Variants in PTPN12 observed in about 807,000 individuals in gnomAD.
PTPN12 encodes protein tyrosine phosphatase non-receptor type 12.
In PTPN12, 29 loss-of-function variants were observed where a neutral mutation model predicts 97.6. The ratio of observed to expected loss-of-function variants is 0.30; its 90% CI spans 0.22 to 0.41. PTPN12 has a LOEUF of 0.41. Ranked by LOEUF, PTPN12 falls within the 10% of genes least tolerant of loss-of-function variation. PTPN12 has a pLI of 1.00. For synonymous variants in PTPN12, 327 were observed against 300.4 expected, an observed-to-expected ratio of 1.09 and a Z score of -0.91; for missense variants, 819 against 926.0, an observed-to-expected ratio of 0.88 and a Z score of 1.50.
In PTPN12 at chr7:77,592,268, T is replaced by C; in HGVS notation, c.492+12T>C. The C allele has an allele frequency of 6.3e-7, 1 of 1,599,442 alleles. No individual in the cohort carries two copies. Among genetic ancestry groups the C allele is most frequent in the Non-Finnish European group, 8.5e-7 (1 of 1,172,606 alleles). On this transcript the variant is annotated intron_variant, in intron 6 of 17. Coordinates refer to ENST00000248594, the MANE Select transcript of PTPN12 (RefSeq NM_002835.4). ...TTAAAATTTCTTGTGTAAGTATCCATTTTTGTAAACACTTTTTTCAGAAAA... is the reference window on the plus strand; with the variant it reads ...TTAAAATTTCTTGTGTAAGTATCCACTTTTGTAAACACTTTTTTCAGAAAA...
At chr7:77,613,519 T>G (rs995116795) in intron 11 of PTPN12, among the ~76,000 whole-genome samples, 9 of 152,072 alleles carry the variant, frequency 5.9e-5, no homozygotes, top group Non-Finnish European at 1.2e-4. Context: ...ATTCCATGAA[T>G]TCAAGATTAA....
intron 2 of PTPN12, among the ~76,000 whole-genome samples, chr7:77,579,674 G>A (rs4615505): frequency 8.5e-5 from 13 of 152,054 alleles, no homozygotes; most frequent in Non-Finnish European, 1.5e-4. Flanking sequence ...TTAAACATCA[G>A]CACAAACTGG....
chr7:77,594,851 A>G (rs1218553670), intron 6 of PTPN12, among the ~76,000 whole-genome samples: 1 of 152,244 alleles, frequency 6.6e-6, no homozygotes, highest in Non-Finnish European at 1.5e-5. Context: ...ATTATAATTC[A>G]AGAGAAAATA....
At chr7:77,621,767 C>G (rs1788947643) in intron 12 of PTPN12, among the ~76,000 whole-genome samples, 1 of 152,144 alleles carries the variant, frequency 6.6e-6, no homozygotes, top group Non-Finnish European at 1.5e-5. Context: ...TTTTATATGA[C>G]TGACAGCATA....
At chr7:77,579,890 A>T (rs993566481) in intron 2 of PTPN12, among the ~76,000 whole-genome samples, 1 of 152,224 alleles carries the variant, frequency 6.6e-6, no homozygotes, top group African/African-American at 2.4e-5. Flanking sequence ...TTAAAACAAG[A>T]TATTTTTACT....
chr7:77,631,139 G>A (rs549617925), intron 13 of PTPN12, among the ~76,000 whole-genome samples: 2 of 152,158 alleles, frequency 1.3e-5, no homozygotes, highest in South Asian at 4.2e-4. Context: ...GTAGCAAGAG[G>A]GCAAGGAGAC....
intron 16 of PTPN12, among the ~76,000 whole-genome samples, chr7:77,637,805 C>T (rs1340373134): frequency 1.6e-5 from 2 of 128,236 alleles, no homozygotes; most frequent in East Asian, 2.5e-4. Flanking sequence ...TGCAGTGCGC[C>T]GAGATTGCGC....
At chr7:77,603,226 C>T (rs759464659) in intron 8 of PTPN12, among the ~76,000 whole-genome samples, 1 of 152,164 alleles carries the variant, frequency 6.6e-6, no homozygotes, top group Non-Finnish European at 1.5e-5. Context: ...ATTGCTTTCA[C>T]TTTGACTTCT....
At chr7:77,592,058 C>G (rs1035931816) in intron 5 of PTPN12, 127 bp from the exon 6 acceptor site, 30 of 742,166 alleles carry the variant, frequency 4.0e-5, no homozygotes, top group South Asian at 3.6e-4. Flanking sequence ...CAGCTCCATG[C>G]CTGCTAATGT....
chr7:77,575,847 A>G (rs565519879), intron 2 of PTPN12, among the ~76,000 whole-genome samples: 1 of 152,008 alleles, frequency 6.6e-6, no homozygotes, highest in East Asian at 1.9e-4. Context: ...TTTTGTGTCT[A>G]GCTCTTTTAA....
rs765624152 is a variant in PTPN12, at chr7:77,610,939, C to T, written c.841-9C>T. On this transcript the variant is annotated splice_polypyrimidine_tract_variant and intron_variant, in intron 10 of 17. Transcript: ENST00000248594. ...CATTTTGTTTTTTAATCATTTTTCT[C>T]CTTCATAGGAGCAATATGAACTTGT... 6.3e-7 allele frequency: 1 copy of T among 1,594,918 alleles called. No homozygotes were observed. The highest frequency in any genetic ancestry group is 1.1e-5 in the South Asian group (1 of 87,104).
intron 6 of PTPN12, among the ~76,000 whole-genome samples, chr7:77,593,797 A>C (rs978547168): frequency 2.6e-5 from 4 of 152,248 alleles, no homozygotes; most frequent in Non-Finnish European, 5.9e-5. Flanking sequence ...ACTGTGGCCC[A>C]GCCAAGTTGA....
intron 1 of PTPN12, among the ~76,000 whole-genome samples, chr7:77,550,654 C>G (rs1197470105): frequency 6.6e-6 from 1 of 152,198 alleles, no homozygotes; most frequent in Non-Finnish European, 1.5e-5. Flanking sequence ...GGCTTCCCAT[C>G]TGAACTCTCA....
At chr7:77,615,990 T>C (rs796280662) in intron 11 of PTPN12, among the ~76,000 whole-genome samples, 3 of 152,354 alleles carry the variant, frequency 2.0e-5, no homozygotes, top group African/African-American at 7.2e-5. Context: ...ACTCAGTATG[T>C]TCTGAAAGCT....
chr7:77,623,023 AAG>A (rs1554326178), intron 12 of PTPN12, among the ~76,000 whole-genome samples: 4 of 151,372 alleles, frequency 2.6e-5, no homozygotes, highest in Admixed American at 6.6e-5. Flanking sequence ...AAAAAAAAAA[AAG>A]AAGAAAAAAT....
chr7:77,625,472 G>GTTCGCGCGCGCTCTCTCT (rs1789108176), intron 12 of PTPN12, among the ~76,000 whole-genome samples: 1 of 33,522 alleles, frequency 3.0e-5, no homozygotes, highest in Non-Finnish European at 5.0e-5. Flanking sequence ...CAGGCTGCTC[G>GTTCGCGCGCGCTCTCTCT]CTCTCTCTCT....
intron 2 of PTPN12, among the ~76,000 whole-genome samples, chr7:77,572,474 T>G (rs1241739202): frequency 1.3e-5 from 2 of 152,204 alleles, no homozygotes; most frequent in Non-Finnish European, 2.9e-5. Flanking sequence ...TTAAAACACC[T>G]CTTCCCTCTC....
chr7:77,588,258 G>A (rs117221906), intron 5 of PTPN12, among the ~76,000 whole-genome samples: 1,843 of 152,212 alleles, frequency 0.012, 13 homozygotes, highest in Middle Eastern at 0.034. Flanking sequence ...AAAAGTTTGT[G>A]ACCCTTTTCA....
chr7:77,591,674 A>G (rs1184536794), intron 5 of PTPN12, among the ~76,000 whole-genome samples: 1 of 152,214 alleles, frequency 6.6e-6, no homozygotes, highest in Non-Finnish European at 1.5e-5. Flanking sequence ...TCCTATTTTT[A>G]CAGATAAAGA....
Sources: allele counts gnomAD v4.1 joint callset (sites outside exome capture counted in the v4.1 genomes callset), GRCh38; gene constraint gnomAD v4.1.1; transcripts MANE v1.5; gene names NCBI Gene and HGNC (gene_info 2026-07-23, HGNC 2026-07-21).